SIPA1L1: variants seen among roughly 807,000 people sequenced by gnomAD.
SIPA1L1 encodes the protein signal-induced proliferation-associated 1-like protein 1.
SIPA1L1 carries 26 observed loss-of-function variants against 162.7 expected under a neutral mutation model. That is an observed-to-expected ratio of 0.16 (90% CI 0.12 to 0.22). SIPA1L1 has a LOEUF of 0.22. Ranked by LOEUF, SIPA1L1 falls within the 10% of genes least tolerant of loss-of-function variation. The pLI is 1.00. For synonymous variants in SIPA1L1, 829 were observed against 837.4 expected (o/e 0.99, Z 0.17); for missense variants, 1,874 against 2,241.0 (o/e 0.84, Z 3.31).
chr14:71,546,690 A>G (rs141496982), intron 4 of SIPA1L1, among the ~76,000 whole-genome samples: 261 of 152,202 alleles, frequency 1.7e-3, no homozygotes, highest in African/African-American at 5.9e-3. Flanking sequence ...TTATTTATCA[A>G]ATATTTATTG....
At chr14:71,336,532 A>T (rs1442932244) in intron 2 of SIPA1L1, among the ~76,000 whole-genome samples, 1 of 152,188 alleles carries the variant, frequency 6.6e-6, no homozygotes, top group East Asian at 1.9e-4. Flanking sequence ...CAAGCGCTTT[A>T]ACTTTGGTGG....
At chr14:71,348,198 C>T (rs2036355155) in intron 2 of SIPA1L1, among the ~76,000 whole-genome samples, 1 of 152,130 alleles carries the variant, frequency 6.6e-6, no homozygotes, top group African/African-American at 2.4e-5. Context: ...ATGTAACCAC[C>T]ATGCAGGGTC....
At chr14:71,704,021 C>G (rs1055589467) in intron 15 of SIPA1L1, among the ~76,000 whole-genome samples, 2 of 152,138 alleles carry the variant, frequency 1.3e-5, no homozygotes, top group African/African-American at 2.4e-5. Context: ...TAAGATACCC[C>G]TGAAGCCTGC....
chr14:71,705,914 T>C (rs1412725778), intron 16 of SIPA1L1, among the ~76,000 whole-genome samples: 2 of 151,982 alleles, frequency 1.3e-5, no homozygotes, highest in East Asian at 3.9e-4. Context: ...CCCCCTCTTA[T>C]TTTTTTCCCC....
rs534922615 is a variant in SIPA1L1, at chr14:71,357,760, C to G, written c.-465+36579C>G. On this transcript the variant is annotated intron_variant, in intron 2 of 23. Transcript: ENST00000381232. ...TTGTTGTTGTTGAGACACAGTTTTA[C>G]TCTGTCACCCACGCTGCAGTGCAGT... 5.9e-5 allele frequency among the ~76,000 whole-genome samples: 9 copies of G among 152,262 alleles called. No individual in the cohort carries two copies. The East Asian group carries it at 1.5e-3, about 26-fold the overall frequency.
rs144291307 is a variant in SIPA1L1 at position 71,409,049 on chromosome 14, C to T, written c.-465+87868C>T. Among the ~76,000 whole-genome samples, 5 of 152,272 alleles carry T rather than the reference C, an allele frequency of 3.3e-5. No homozygotes were observed. In the East Asian group the frequency reaches 9.7e-4, roughly 29 times the overall value. The stretch of plus-strand genomic sequence containing the variant: ...AAGCTACTGTGTGTTCCCCCGTGAT[C>T]CCCTCCTTCTCTTTCCCTCTGGAAA... On this transcript the variant is annotated intron_variant, in intron 2 of 23. Transcript: ENST00000381232.
chr14:71,415,782 C>CT lies in SIPA1L1; in HGVS notation c.-465+94602dup, dbSNP rs2042716397. Among the ~76,000 whole-genome samples, 3 of 152,238 alleles carry CT rather than the reference C, an allele frequency of 2.0e-5. No individual in the cohort carries two copies. In the South Asian group the frequency reaches 6.2e-4, roughly 32 times the overall value. On this transcript the variant is annotated intron_variant, in intron 2 of 23. Transcript: ENST00000381232. ...GCATGATCTCGGCTCACTGCAACCT[C>CT]TAACTCCCAGGTTCAAGCGATTCTC...
At chr14:71,530,596 C>G (rs1168265502) in intron 4 of SIPA1L1, among the ~76,000 whole-genome samples, 3 of 152,138 alleles carry the variant, frequency 2.0e-5, no homozygotes, top group Non-Finnish European at 2.9e-5. Flanking sequence ...TACCCCAGCT[C>G]CTTTTTGATT....
chr14:71,578,149 TCTGCC>T lies in SIPA1L1; in HGVS notation c.-302-9420_-302-9416del, dbSNP rs772340818. ...TGATCTTGAACTCCTGACCTCATGA[TCTGCC>T]CACCTTGGCCTCCCAAAGTGCTGGG... On this transcript the variant is annotated intron_variant, in intron 4 of 23. Coordinates refer to ENST00000381232, the MANE Select transcript of SIPA1L1 (RefSeq NM_001386936.1). 3.7e-4 allele frequency among the ~76,000 whole-genome samples: 57 copies of T among 152,312 alleles called. 1 individual carries two copies. The highest frequency in any genetic ancestry group is 1.9e-4 in the East Asian group (1 of 5,178).
At chr14:71,539,163 A>C (rs1385004010) in intron 4 of SIPA1L1, among the ~76,000 whole-genome samples, 2 of 152,208 alleles carry the variant, frequency 1.3e-5, no homozygotes. Context: ...ACTCCATTCA[A>C]GGATGCTCTC....
At chr14:71,481,081 T>G (rs902294064) in intron 2 of SIPA1L1, among the ~76,000 whole-genome samples, 3 of 152,246 alleles carry the variant, frequency 2.0e-5, no homozygotes, top group Non-Finnish European at 4.4e-5. Flanking sequence ...AAAAAATGTC[T>G]AATTTTAAGT....
At chr14:71,471,314 C>T (rs1415495003) in intron 2 of SIPA1L1, among the ~76,000 whole-genome samples, 1 of 151,980 alleles carries the variant, frequency 6.6e-6, no homozygotes, top group Non-Finnish European at 1.5e-5. Flanking sequence ...ACTAAGAATA[C>T]GAAAATTAGT....
At chr14:71,577,774 C>G in intron 4 of SIPA1L1, among the ~76,000 whole-genome samples, 1 of 149,516 alleles carries the variant, frequency 6.7e-6, no homozygotes, top group Non-Finnish European at 1.5e-5. Flanking sequence ...CTCTGTCACC[C>G]AAGCTGGAGT....
At chr14:71,425,584 G>A (rs1461428232) in intron 2 of SIPA1L1, among the ~76,000 whole-genome samples, 1 of 152,130 alleles carries the variant, frequency 6.6e-6, no homozygotes, top group East Asian at 1.9e-4. Context: ...GACATTTTAT[G>A]TGGCATCTTT....
intron 12 of SIPA1L1, among the ~76,000 whole-genome samples, chr14:71,676,064 C>G (rs2149432926): frequency 7.3e-6 from 1 of 136,804 alleles, no homozygotes; most frequent in South Asian, 2.4e-4. Context: ...TGAGACCAGC[C>G]TGAGCAACAT....
intron 5 of SIPA1L1, among the ~76,000 whole-genome samples, chr14:71,599,220 G>A (rs762315556): frequency 7.7e-4 from 101 of 131,054 alleles, no homozygotes; most frequent in Non-Finnish European, 1.4e-3. Context: ...GCACGATTTC[G>A]GCTCACCACA....
chr14:71,702,597 G>C, intron 15 of SIPA1L1, 92 bp downstream of exon 15: 1 of 1,118,696 alleles, frequency 8.9e-7, no homozygotes, highest in South Asian at 1.5e-5. Flanking sequence ...GTTATAAAAG[G>C]TAGCCCTAGT....
Position 71,741,186 on chromosome 14 carries a change from TA to T in SIPA1L1, c.*2027del, listed in dbSNP as rs1285076754. The T allele has an allele frequency of 6.6e-6, 1 of 152,228 alleles. No homozygotes were observed. Among genetic ancestry groups the T allele is most frequent in the Non-Finnish European group, 1.5e-5 (1 of 68,032 alleles). 9.4% of individuals were successfully genotyped at this position (152,228 alleles called of 1,614,324 possible). ...AAAATTTCTGTCCTTCTCAGAATGT[TA>T]ATAAACTTTTTTACTCTGTCCACAT... On this transcript the variant is annotated 3_prime_UTR_variant, in exon 24 of 24. Transcript: ENST00000381232.
intron 5 of SIPA1L1, among the ~76,000 whole-genome samples, chr14:71,606,253 A>G (rs10136590): frequency 0.45 from 68,582 of 151,934 alleles, 16,263 homozygotes; most frequent in Admixed American, 0.53. Context: ...GCCCACAACA[A>G]AGGCACCTGC....
Sources: allele counts gnomAD v4.1 joint callset (sites outside exome capture counted in the v4.1 genomes callset), GRCh38; gene constraint gnomAD v4.1.1; transcripts MANE v1.5; gene names NCBI Gene and HGNC (gene_info 2026-07-23, HGNC 2026-07-21).